CDR2: variants seen among roughly 807,000 people sequenced by gnomAD.
CDR2 encodes the protein cerebellar degeneration related protein 2.
Under a neutral mutation model 48.4 loss-of-function variants are expected in CDR2, and 34 were observed. The observed-to-expected ratio is 0.70, with a 90% CI of 0.53 to 0.94. The LOEUF is 0.94. CDR2 is among the 40% of genes least tolerant of loss of function. CDR2 has a pLI of 0.00. For synonymous variants in CDR2, 240 were observed against 219.7 expected (o/e 1.09, Z -0.82); for missense variants, 498 against 549.5 (o/e 0.91, Z 0.94).
chr16:22,372,213 T>C (rs1035523861), intron 1 of CDR2, among the ~76,000 whole-genome samples: 1 of 152,138 alleles, frequency 6.6e-6, no homozygotes, highest in African/African-American at 2.4e-5. Context: ...CTGATGACTT[T>C]ATTTTGATCA....
rs767553400 is a variant in CDR2, at chr16:22,346,912, GGA to G, written c.*51_*52del. On this transcript the variant is annotated 3_prime_UTR_variant, in exon 5 of 5. Coordinates refer to ENST00000268383, the MANE Select transcript of CDR2 (RefSeq NM_001802.2). ...GAGTCTACAAACACTTGTCTGAATG[GGA>G]GAGAGAGGCGATAGGCAATAGGCAA... is the stretch of plus-strand genomic sequence containing the variant. 4.5e-6 allele frequency: 7 copies of G among 1,551,690 alleles called. No individual in the cohort carries two copies. The highest frequency in any genetic ancestry group is 1.7e-5 in the Admixed American group (1 of 57,352).
At chr16:22,371,551 C>G (rs1437908457) in intron 1 of CDR2, among the ~76,000 whole-genome samples, 1 of 152,218 alleles carries the variant, frequency 6.6e-6, no homozygotes. Flanking sequence ...AGGCGAATAC[C>G]TGGCAAAGAG....
chr16:22,364,866 G>T, intron 2 of CDR2, 36 bp downstream of exon 2: 1 of 1,179,262 alleles, frequency 8.5e-7, no homozygotes, highest in Non-Finnish European at 1.3e-6. Flanking sequence ...ACACATCGAA[G>T]TGTCAAAAGT....
chr16:22,346,900 C>A lies in CDR2; in HGVS notation c.*65G>T. 2.0e-6 allele frequency: 3 copies of A among 1,521,980 alleles called. No homozygotes were observed. The highest frequency in any genetic ancestry group is 2.7e-6 in the Non-Finnish European group (3 of 1,117,154). The allele number at this position is 1,521,980 out of a possible 1,614,324, so 94.3% of individuals were successfully genotyped here. ...CATTAGGCTTCAGAGTCTACAAACACTTGTCTGAATGGGAGAGAGAGGCGA... is the reference window on the plus strand; with the variant it reads ...CATTAGGCTTCAGAGTCTACAAACAATTGTCTGAATGGGAGAGAGAGGCGA... On this transcript the variant is annotated 3_prime_UTR_variant, in exon 5 of 5. Coordinates refer to ENST00000268383, the MANE Select transcript of CDR2 (RefSeq NM_001802.2).
chr16:22,348,539 A>C (rs1301842999), intron 4 of CDR2, among the ~76,000 whole-genome samples: 2 of 152,196 alleles, frequency 1.3e-5, no homozygotes, highest in Non-Finnish European at 2.9e-5. Flanking sequence ...TCACTACAGC[A>C]AATTACTGTT....
At chr16:22,365,768 A>G (rs1241528001) in intron 1 of CDR2, among the ~76,000 whole-genome samples, 1 of 152,238 alleles carries the variant, frequency 6.6e-6, no homozygotes, top group African/African-American at 2.4e-5. Flanking sequence ...TTAGTTAACA[A>G]TATAAGAAAG....
chr16:22,358,372 G>T (rs141956898), intron 2 of CDR2, among the ~76,000 whole-genome samples: 88 of 152,206 alleles, frequency 5.8e-4, no homozygotes, highest in African/African-American at 2.0e-3. Context: ...AATGCCTTGG[G>T]TTTATCTCAC....
Position 22,364,940 on chromosome 16 carries a change from T to C in CDR2, c.154A>G (p.Met52Val). Residue 52 changes from methionine (M) to valine (V), a missense_variant, in exon 2 of 5, where the codon ATG (methionine) becomes GTG (valine). Coordinates refer to ENST00000268383, the MANE Select transcript of CDR2 (RefSeq NM_001802.2). Reference protein sequence around the residue: ...NTELEDSVQQMYTTNQEQLQE... With the variant: ...NTELEDSVQQVYTTNQEQLQE... The stretch of plus-strand genomic sequence containing the variant: ...AACTGCTCCTGATTGGTTGTATACA[T>C]CTGCTGAACAGAGTCCTCCAACTCT... The C allele has an allele frequency of 6.2e-7, 1 of 1,613,394 alleles. No individual in the cohort carries two copies. The highest frequency in any genetic ancestry group is 1.1e-5 in the South Asian group (1 of 91,082).
In CDR2 at chr16:22,347,491, TACAG is replaced by T. The variant is rs770333956; in HGVS notation, c.835_838del (p.Leu279MetfsTer17). The T allele has an allele frequency of 6.2e-7, 1 of 1,614,038 alleles. No individual in the cohort carries two copies. The highest frequency in any genetic ancestry group is 8.5e-7 in the Non-Finnish European group (1 of 1,180,026). On this transcript the variant is annotated frameshift_variant, in exon 5 of 5. Transcript: ENST00000268383. LOFTEE classifies it high-confidence loss of function. ...CTGGCTGGGCTCTTTGAAAGGAACA[TACAG>T]AGAGTCTGGCACCAGCTTCTCAACT... is the stretch of plus-strand genomic sequence containing the variant.
chr16:22,351,506 G>A (rs1403835454), intron 2 of CDR2, among the ~76,000 whole-genome samples: 1 of 152,084 alleles, frequency 6.6e-6, no homozygotes, highest in African/African-American at 2.4e-5. Flanking sequence ...CTATTTCTAT[G>A]TGGAGGATCT....
At chr16:22,349,148 G>A in intron 4 of CDR2, 131 bp downstream of exon 4, 2 of 902,826 alleles carry the variant, frequency 2.2e-6, no homozygotes, top group Non-Finnish European at 3.4e-6. Context: ...AAGTGATTTT[G>A]TTCAAACCAA....
intron 2 of CDR2, among the ~76,000 whole-genome samples, chr16:22,352,337 C>T (rs768544263): frequency 5.3e-5 from 8 of 151,728 alleles, no homozygotes; most frequent in Non-Finnish European, 1.2e-4. Context: ...TGACACTCAA[C>T]GGGCCCTTAA....
intron 2 of CDR2, among the ~76,000 whole-genome samples, chr16:22,352,352 T>A (rs1457717879): frequency 2.0e-5 from 3 of 151,624 alleles, no homozygotes; most frequent in Non-Finnish European, 4.4e-5. Flanking sequence ...CCTTAAAGTG[T>A]TGAAAAAAGC....
At chr16:22,374,067 G>A (rs1274439736) in intron 1 of CDR2, among the ~76,000 whole-genome samples, 164 bp downstream of exon 1, 1 of 152,226 alleles carries the variant, frequency 6.6e-6, no homozygotes, top group Non-Finnish European at 1.5e-5. Flanking sequence ...GAGGCTTCCT[G>A]CGGGCGGGAT....
chr16:22,347,797 G>A lies in CDR2; in HGVS notation c.533C>T (p.Ala178Val). Reference protein sequence around the residue: ...RQHFVYDHVFAEKITSLQGQP... With the variant: ...RQHFVYDHVFVEKITSLQGQP... ...ACCTTGCAAGGAAGTGATCTTCTCA[G>A]CGAACACATGATCATACACGAAGTG... The change falls in exon 5 of 5, where the codon GCT (alanine) becomes GTT (valine). Residue 178 changes from alanine (A) to valine (V), a missense_variant. Ala to Val is a moderately conservative substitution (Grantham distance 64). Coordinates refer to ENST00000268383, the MANE Select transcript of CDR2 (RefSeq NM_001802.2). 1 of 1,613,476 alleles carries A rather than the reference G, an allele frequency of 6.2e-7. No individual in the cohort carries two copies. The highest frequency in any genetic ancestry group is 8.5e-7 in the Non-Finnish European group (1 of 1,179,946).
Position 22,346,924 on chromosome 16 carries a change from G to T in CDR2, c.*41C>A. On this transcript the variant is annotated 3_prime_UTR_variant, in exon 5 of 5. Coordinates refer to ENST00000268383, the MANE Select transcript of CDR2 (RefSeq NM_001802.2). ...ACTTGTCTGAATGGGAGAGAGAGGC[G>T]ATAGGCAATAGGCAAATTAGTAGTA... 1 of 1,575,726 alleles carries T rather than the reference G, an allele frequency of 6.3e-7. No individual in the cohort carries two copies. Among genetic ancestry groups the T allele is most frequent in the Non-Finnish European group, 8.7e-7 (1 of 1,155,064 alleles).
chr16:22,352,110 G>A (rs906161757), intron 2 of CDR2, among the ~76,000 whole-genome samples: 7 of 152,110 alleles, frequency 4.6e-5, no homozygotes, highest in Non-Finnish European at 8.8e-5. Context: ...AAATTAGTCC[G>A]GCGTGGTGGC....
At chr16:22,354,985 T>C (rs772004180) in intron 2 of CDR2, among the ~76,000 whole-genome samples, 5 of 152,204 alleles carry the variant, frequency 3.3e-5, no homozygotes, top group Admixed American at 3.3e-4. Flanking sequence ...CACGTACCCA[T>C]CAACCAGTTT....
intron 2 of CDR2, among the ~76,000 whole-genome samples, chr16:22,351,472 T>C (rs990294818): frequency 1.3e-5 from 2 of 152,152 alleles, no homozygotes; most frequent in African/African-American, 4.8e-5. Flanking sequence ...TAATTTACAC[T>C]CCCACCAACA....
Sources: gnomAD v4.1 joint callset for allele counts (sites outside exome capture counted in the v4.1 genomes callset) on GRCh38, gnomAD v4.1.1 for gene constraint, MANE v1.5 for transcripts, NCBI Gene and HGNC (gene_info 2026-07-23, HGNC 2026-07-21) for gene names.